NGEF: variants seen among roughly 807,000 people sequenced by gnomAD.
NGEF encodes the protein ephexin-1.
In NGEF, 31 loss-of-function variants were observed where a neutral mutation model predicts 80.9. The ratio of observed to expected loss-of-function variants is 0.38; its 90% CI spans 0.29 to 0.52. The LOEUF (loss-of-function observed/expected upper bound fraction) is 0.52, where lower values mean the gene tolerates loss of function less well. NGEF is among the 20% of genes least tolerant of loss of function. The pLI is 0.84. For missense variants in NGEF, 709 were observed against 926.2 expected, an observed-to-expected ratio of 0.77 and a Z score of 3.04; for synonymous variants, 371 against 370.2, an observed-to-expected ratio of 1.00 and a Z score of -0.03.
chr2:232,993,379 C>T (rs1396916057), intron 1 of NGEF, among the ~76,000 whole-genome samples: 1 of 151,376 alleles, frequency 6.6e-6, no homozygotes, highest in East Asian at 1.9e-4. Context: ...TATCACTTTG[C>T]ACTCACTAGG....
intron 1 of NGEF, among the ~76,000 whole-genome samples, chr2:233,005,826 TG>T (rs1695072512): frequency 1.3e-5 from 2 of 152,208 alleles, no homozygotes; most frequent in Non-Finnish European, 2.9e-5. Context: ...TGTTTTGTTT[TG>T]GTTTTTTGAG....
At chr2:232,943,572 T>C (rs1385587356) in intron 3 of NGEF, among the ~76,000 whole-genome samples, 2 of 150,498 alleles carry the variant, frequency 1.3e-5, no homozygotes, top group East Asian at 2.0e-4. Context: ...CTCGGCTCAC[T>C]GCAAGCTCCG....
At chr2:232,898,952 GTGAA>G (rs1692180095) in intron 5 of NGEF, among the ~76,000 whole-genome samples, 1 of 151,920 alleles carries the variant, frequency 6.6e-6, no homozygotes. Flanking sequence ...GAGCATGTAA[GTGAA>G]TGTGTGTGTG....
intron 3 of NGEF, among the ~76,000 whole-genome samples, chr2:232,938,446 T>C (rs778349): frequency 0.68 from 104,019 of 152,016 alleles, 35,765 homozygotes; most frequent in Admixed American, 0.76. Context: ...CTATGGAAAA[T>C]GAGGGACATC....
Position 232,882,289 on chromosome 2 carries a change from C to T in NGEF, c.1758-24G>A, listed in dbSNP as rs530878979. ...TCCTGGCACAGGGAAGAGGACAGTG[C>T]CCCAACTGCAGATCAACGGCAGCCC... On this transcript the variant is annotated intron_variant, in intron 12 of 14. Coordinates refer to ENST00000264051, the MANE Select transcript of NGEF (RefSeq NM_019850.3). The T allele has an allele frequency of 2.5e-6, 4 of 1,604,512 alleles. No homozygotes were observed. In the African/African-American group the frequency reaches 4.0e-5, roughly 16 times the overall value.
intron 3 of NGEF, among the ~76,000 whole-genome samples, chr2:232,960,615 A>G (rs1053289455): frequency 1.8e-4 from 27 of 152,220 alleles, no homozygotes; most frequent in Non-Finnish European, 2.9e-4. Flanking sequence ...GCGGTGGCTC[A>G]TGCCTGTAAT....
intron 5 of NGEF, among the ~76,000 whole-genome samples, chr2:232,900,040 A>T (rs1193745029): frequency 7.7e-6 from 1 of 130,068 alleles, no homozygotes; most frequent in Non-Finnish European, 1.6e-5. Flanking sequence ...ACATTCACTC[A>T]CACACACACG....
chr2:232,896,969 AGTG>A (rs1469433347), intron 5 of NGEF, among the ~76,000 whole-genome samples: 2 of 105,966 alleles, frequency 1.9e-5, no homozygotes, highest in Non-Finnish European at 3.8e-5. Context: ...GGATGGGGGT[AGTG>A]GTGGGGTTAA....
At chr2:232,900,941 C>CG (rs1242080626) in intron 5 of NGEF, among the ~76,000 whole-genome samples, 2 of 152,214 alleles carry the variant, frequency 1.3e-5, no homozygotes, top group Admixed American at 1.3e-4. Context: ...TGGTGACGTC[C>CG]GGCGGCCTCA....
At chr2:232,923,627 C>T (rs76206977) in intron 4 of NGEF, among the ~76,000 whole-genome samples, 3 of 151,932 alleles carry the variant, frequency 2.0e-5, no homozygotes, top group African/African-American at 4.8e-5. Context: ...CCCAGCTACT[C>T]GGGAGGATGA....
intron 3 of NGEF, among the ~76,000 whole-genome samples, chr2:232,961,700 G>T (rs1327996634): frequency 6.6e-6 from 1 of 152,028 alleles, no homozygotes; most frequent in African/African-American, 2.4e-5. Context: ...GTTTCACCAT[G>T]ATAGCCAGGA....
intron 5 of NGEF, among the ~76,000 whole-genome samples, chr2:232,906,461 A>G (rs1222318416): frequency 1.1e-5 from 1 of 87,316 alleles, no homozygotes; most frequent in Non-Finnish European, 2.4e-5. Flanking sequence ...CCCTCCGGCC[A>G]CCCCTACTGG....
intron 1 of NGEF, among the ~76,000 whole-genome samples, chr2:232,978,901 T>C (rs1002987745): frequency 2.6e-4 from 40 of 152,222 alleles, no homozygotes; most frequent in African/African-American, 9.2e-4. Flanking sequence ...GTATTTTTTG[T>C]AGGGATGGGT....
intron 3 of NGEF, 168 bp downstream of exon 3, chr2:232,970,046 T>C: frequency 2.5e-6 from 1 of 407,738 alleles, no homozygotes; most frequent in African/African-American, 2.1e-5. Flanking sequence ...ACAAAAGTTT[T>C]TTTTAAATTA....
chr2:232,906,799 T>C (rs4973570), intron 5 of NGEF, among the ~76,000 whole-genome samples: 1 of 150,960 alleles, frequency 6.6e-6, no homozygotes, highest in Non-Finnish European at 1.5e-5. Context: ...GTGTAGAAAG[T>C]AGTAGACATG....
intron 1 of NGEF, among the ~76,000 whole-genome samples, chr2:232,977,355 G>A (rs1222973746): frequency 6.6e-6 from 1 of 152,172 alleles, no homozygotes; most frequent in Non-Finnish European, 1.5e-5. Context: ...TGATGGCCTT[G>A]AGCTCAGTGT....
intron 3 of NGEF, chr2:232,928,022 C>A: frequency 1.3e-6 from 1 of 790,814 alleles, no homozygotes; most frequent in Non-Finnish European, 1.6e-6. Flanking sequence ...GGGGCGGGTG[C>A]GGGGGCCGGG....
At chr2:232,904,125 C>T (rs1232002291) in intron 5 of NGEF, among the ~76,000 whole-genome samples, 7 of 152,142 alleles carry the variant, frequency 4.6e-5, no homozygotes, top group South Asian at 2.1e-4. Flanking sequence ...CCTTGCTTCT[C>T]GCTCCCCAGC....
intron 5 of NGEF, among the ~76,000 whole-genome samples, chr2:232,902,350 C>T (rs188376714): frequency 9.9e-4 from 151 of 152,284 alleles, no homozygotes; most frequent in African/African-American, 3.4e-3. Context: ...GAGCCCAGCC[C>T]GCTGCAGCGC....
Sources: gnomAD v4.1 joint callset for allele counts (sites outside exome capture counted in the v4.1 genomes callset) on GRCh38, gnomAD v4.1.1 for gene constraint, MANE v1.5 for transcripts, NCBI Gene and HGNC (gene_info 2026-07-23, HGNC 2026-07-21) for gene names.